The following ITPR1 variants were observed in gnomAD, a reference collection of about 807,000 sequenced individuals.
ITPR1 encodes the protein inositol 1,4,5-trisphosphate receptor type 1.
ITPR1 carries 96 observed loss-of-function variants against 318.4 expected under a neutral mutation model. That is an observed-to-expected ratio of 0.30 (90% CI 0.26 to 0.36). The LOEUF is 0.36. Ranked by LOEUF, ITPR1 falls within the 10% of genes least tolerant of loss-of-function variation. The pLI is 1.00. For synonymous variants in ITPR1, 1,312 were observed against 1,289.9 expected (o/e 1.02, Z -0.37); for missense variants, 2,440 against 3,460.2 (o/e 0.71, Z 7.40).
chr3:4,790,928 C>T (rs2047514898), intron 52 of ITPR1, among the ~76,000 whole-genome samples: 1 of 152,164 alleles, frequency 6.6e-6, no homozygotes, highest in African/African-American at 2.4e-5. Context: ...TCCTGAAGAT[C>T]CTATCCCCAG....
intron 4 of ITPR1, among the ~76,000 whole-genome samples, chr3:4,552,472 G>T (rs529403903): frequency 6.6e-6 from 1 of 152,274 alleles, no homozygotes; most frequent in African/African-American, 2.4e-5. Flanking sequence ...TATTACAAAG[G>T]ATACAGATAA....
intron 54 of ITPR1, among the ~76,000 whole-genome samples, chr3:4,801,620 T>G (rs2048235813): frequency 6.6e-6 from 1 of 151,796 alleles, no homozygotes; most frequent in Non-Finnish European, 1.5e-5. Flanking sequence ...AAAAATTAGC[T>G]GGGTTTGGTA....
At chr3:4,669,815 A>T in intron 19 of ITPR1, 42 bp downstream of exon 19, 1 of 1,564,646 alleles carries the variant, frequency 6.4e-7, no homozygotes, top group Non-Finnish European at 8.7e-7. Flanking sequence ...CATGGGGTTC[A>T]TTCAGTGTTG....
chr3:4,814,976 C>G (rs2049193205), intron 58 of ITPR1, 77 bp from the exon 59 acceptor site: 1 of 1,255,578 alleles, frequency 8.0e-7, no homozygotes, highest in African/African-American at 1.5e-5. Context: ...TGAGGTCTCA[C>G]TTGAGCTGTG....
At chr3:4,578,258 CA>C (rs1163176819) in intron 4 of ITPR1, among the ~76,000 whole-genome samples, 2 of 152,090 alleles carry the variant, frequency 1.3e-5, no homozygotes, top group African/African-American at 4.8e-5. Context: ...CTATAGAAAA[CA>C]TTTTTTTTCT....
At chr3:4,540,014 C>G (rs1015861335) in intron 4 of ITPR1, among the ~76,000 whole-genome samples, 17 of 144,080 alleles carry the variant, frequency 1.2e-4, no homozygotes, top group African/African-American at 4.4e-4. Flanking sequence ...AAATTACTTA[C>G]AGTGAATTTT....
At chr3:4,541,770 C>T (rs2084479692) in intron 4 of ITPR1, among the ~76,000 whole-genome samples, 1 of 152,042 alleles carries the variant, frequency 6.6e-6, no homozygotes, top group African/African-American at 2.4e-5. Flanking sequence ...GGACTACCAG[C>T]ACGTGCCACC....
rs7650467 is a variant in ITPR1 at position 4,667,849 on chromosome 3, C to T, written c.1886+300C>T. ...AATGAGAATAAACGCAGGTGACGTGCAGGCACTTAGTGGATGCAGAGGAAA... is the reference window on the plus strand; with the variant it reads ...AATGAGAATAAACGCAGGTGACGTGTAGGCACTTAGTGGATGCAGAGGAAA... On this transcript the variant is annotated intron_variant, in intron 18 of 61. Transcript: ENST00000649015. 0.12 allele frequency among the ~76,000 whole-genome samples: 17,984 copies of T among 152,116 alleles called. 2,024 individuals carry two copies. Among genetic ancestry groups the T allele is most frequent in the African/African-American group, 0.29 (12,103 of 41,460 alleles).
chr3:4,532,783 C>T (rs1272813264), intron 4 of ITPR1, among the ~76,000 whole-genome samples: 2 of 152,166 alleles, frequency 1.3e-5, no homozygotes, highest in Non-Finnish European at 2.9e-5. Flanking sequence ...GTTCTGAGCC[C>T]AGAGCAATAG....
chr3:4,601,643 T>A (rs1320053445), intron 4 of ITPR1, among the ~76,000 whole-genome samples: 1 of 152,206 alleles, frequency 6.6e-6, no homozygotes, highest in African/African-American at 2.4e-5. Flanking sequence ...GGTCCTGAAT[T>A]GGGTGACAGG....
At chr3:4,664,379 G>A (rs1217084585) in intron 16 of ITPR1, among the ~76,000 whole-genome samples, 3 of 152,202 alleles carry the variant, frequency 2.0e-5, no homozygotes, top group South Asian at 2.1e-4. Context: ...CCCAACTGGA[G>A]ATTAGCCCAC....
intron 4 of ITPR1, among the ~76,000 whole-genome samples, chr3:4,585,192 G>C (rs2089765574): frequency 6.6e-6 from 1 of 152,174 alleles, no homozygotes; most frequent in Non-Finnish European, 1.5e-5. Flanking sequence ...AAAATTCAAA[G>C]CAATATGCTA....
intron 44 of ITPR1, among the ~76,000 whole-genome samples, chr3:4,736,707 CCTT>C (rs907693176): frequency 1.3e-5 from 2 of 152,180 alleles, no homozygotes; most frequent in African/African-American, 4.8e-5. Context: ...GTCCTGCAGT[CCTT>C]CTCATCAATG....
chr3:4,750,512 A>C (rs1052469463), intron 44 of ITPR1: 1 of 152,192 alleles, frequency 6.6e-6, no homozygotes, highest in Non-Finnish European at 1.5e-5. Context: ...CTGCAGGCAG[A>C]CAAGAGTCGC....
chr3:4,711,704 T>C (rs965334421), intron 38 of ITPR1, 53 bp from the exon 39 acceptor site: 8 of 977,354 alleles, frequency 8.2e-6, no homozygotes, highest in African/African-American at 1.6e-5. Flanking sequence ...GTGAAGTCTT[T>C]TTAATTTAAA....
chr3:4,591,088 T>C (rs374231106), intron 4 of ITPR1, among the ~76,000 whole-genome samples: 1 of 152,240 alleles, frequency 6.6e-6, no homozygotes, highest in African/African-American at 2.4e-5. Flanking sequence ...TAGTATTCCA[T>C]GGTGTAGATT....
In ITPR1 at chr3:4,846,268, A is replaced by T. The variant is rs764986889; in HGVS notation, c.*43A>T. ...ATTGTATTTACCTTTTATAATTATT[A>T]TTAGTGTGGGTATGGCTAATGAGTT... On this transcript the variant is annotated 3_prime_UTR_variant, in exon 62 of 62. Coordinates refer to ENST00000649015, the MANE Select transcript of ITPR1 (RefSeq NM_001378452.1). The T allele has an allele frequency of 6.7e-6, 9 of 1,339,708 alleles. No homozygotes were observed. Among genetic ancestry groups the T allele is most frequent in the Non-Finnish European group, 8.4e-6 (8 of 955,784 alleles). The allele number at this position is 1,339,708 out of a possible 1,614,324, so 83.0% of individuals were successfully genotyped here.
chr3:4,845,176 C>T (rs1013432603), intron 61 of ITPR1, among the ~76,000 whole-genome samples: 4 of 152,150 alleles, frequency 2.6e-5, no homozygotes, highest in African/African-American at 7.2e-5. Flanking sequence ...TTCTTTTTAC[C>T]CTAATTCCTC....
At position 4,577,939 on chromosome 3, in the gene ITPR1, TAC is replaced by T. The variant is rs1272512039; in HGVS notation, c.164-49823_164-49822del. Among the ~76,000 whole-genome samples the T allele has an allele frequency of 9.2e-5, 14 of 152,350 alleles. No homozygotes were observed. In the East Asian group the frequency reaches 2.5e-3, roughly 27 times the overall value. ...GCTCTCCCCCACCTCAATCTTACAT[TAC>T]TGCATAAGTTGGCATAGGCTGGCAC... On this transcript the variant is annotated intron_variant, in intron 4 of 61. Transcript: ENST00000649015.
Sources: gnomAD v4.1 joint callset for allele counts (sites outside exome capture counted in the v4.1 genomes callset) on GRCh38, gnomAD v4.1.1 for gene constraint, MANE v1.5 for transcripts, NCBI Gene and HGNC (gene_info 2026-07-23, HGNC 2026-07-21) for gene names.